KLHL1: variants seen among roughly 807,000 people sequenced by gnomAD.
The protein encoded by KLHL1 is kelch like family member 1.
Under a neutral mutation model 77.7 loss-of-function variants are expected in KLHL1, and 47 were observed. The observed-to-expected ratio is 0.60, with a 90% CI of 0.48 to 0.77. The LOEUF (loss-of-function observed/expected upper bound fraction) is 0.77. Among genes scored for constraint, KLHL1 ranks in the 30% least tolerant of loss-of-function variants. The probability of loss-of-function intolerance (pLI) is 0.00; values close to 1 mark genes in which losing one functional copy is unlikely to be tolerated. For synonymous variants in KLHL1, 360 were observed against 325.2 expected, an observed-to-expected ratio of 1.11 and a Z score of -1.15; for missense variants, 925 against 910.8, an observed-to-expected ratio of 1.02 and a Z score of -0.20.
At chr13:69,966,962 A>C (rs563440328) in intron 2 of KLHL1, among the ~76,000 whole-genome samples, 1 of 152,278 alleles carries the variant, frequency 6.6e-6, no homozygotes, top group African/African-American at 2.4e-5. Context: ...TAATGGCTGA[A>C]TAGTATTCCA....
At chr13:69,885,565 A>G (rs1881185029) in intron 4 of KLHL1, among the ~76,000 whole-genome samples, 2 of 152,080 alleles carry the variant, frequency 1.3e-5, no homozygotes, top group Admixed American at 1.3e-4. Context: ...TAACATCATT[A>G]TGTGTTATTG....
At chr13:69,916,182 C>T (rs1316741416) in intron 4 of KLHL1, among the ~76,000 whole-genome samples, 39 of 145,460 alleles carry the variant, frequency 2.7e-4, no homozygotes, top group South Asian at 1.6e-3. Flanking sequence ...GTCAGTGTGG[C>T]GATTCCTCAG....
chr13:69,871,694 A>G (rs1294608619), intron 5 of KLHL1, among the ~76,000 whole-genome samples: 1 of 151,852 alleles, frequency 6.6e-6, no homozygotes, highest in African/African-American at 2.4e-5. Context: ...AGCCTTCCAG[A>G]AAACCCCAGA....
intron 1 of KLHL1, among the ~76,000 whole-genome samples, chr13:70,091,746 A>G (rs1407113770): frequency 1.3e-5 from 2 of 152,148 alleles, no homozygotes; most frequent in Non-Finnish European, 2.9e-5. Flanking sequence ...GATTTGAAAT[A>G]ATGGCTGAGT....
intron 1 of KLHL1, among the ~76,000 whole-genome samples, chr13:70,072,699 GATT>G (rs1174983951): frequency 6.6e-6 from 1 of 151,938 alleles, no homozygotes; most frequent in Non-Finnish European, 1.5e-5. Flanking sequence ...AAAAAAGGGG[GATT>G]ATATCAATAG....
intron 4 of KLHL1, among the ~76,000 whole-genome samples, chr13:69,906,665 T>G (rs1882055570): frequency 6.6e-6 from 1 of 151,904 alleles, no homozygotes; most frequent in Non-Finnish European, 1.5e-5. Flanking sequence ...CTTTAAAGCT[T>G]CATTCTTTCA....
At chr13:69,982,369 G>A (rs1045099791) in intron 1 of KLHL1, among the ~76,000 whole-genome samples, 1 of 150,844 alleles carries the variant, frequency 6.6e-6, no homozygotes, top group African/African-American at 2.4e-5. Flanking sequence ...CCGAAAGGTG[G>A]AGGGTGCAGT....
intron 4 of KLHL1, among the ~76,000 whole-genome samples, chr13:69,884,934 C>CT (rs377362177): frequency 7.5e-6 from 1 of 133,592 alleles, no homozygotes; most frequent in African/African-American, 2.9e-5. Context: ...TTTTTCTTTT[C>CT]TTTTTTTTTT....
intron 8 of KLHL1, among the ~76,000 whole-genome samples, chr13:69,734,935 T>C (rs140161512): frequency 6.6e-6 from 1 of 152,246 alleles, no homozygotes; most frequent in Non-Finnish European, 1.5e-5. Flanking sequence ...CATGATGTTA[T>C]GCTAAAATAA....
In KLHL1 at chr13:70,065,884, GA is replaced by G. The variant is rs111289446; in HGVS notation, c.497+41318del. On this transcript the variant is annotated intron_variant, in intron 1 of 10. Coordinates refer to ENST00000377844, the MANE Select transcript of KLHL1 (RefSeq NM_020866.3). The stretch of plus-strand genomic sequence containing the variant: ...TTCATTACTTCATCAAAACCAAGAT[GA>G]AAAAAAAAAACTATTTAAAAGACAA... Among the ~76,000 whole-genome samples the G allele has an allele frequency of 3.7e-3, 525 of 141,374 alleles. 1 individual carries two copies. The highest frequency in any genetic ancestry group is 0.015 in the Middle Eastern group (4 of 274). 92.7% of individuals were successfully genotyped at this position (141,374 alleles called of 152,430 possible).
At chr13:69,842,667 C>G (rs1486753530) in intron 5 of KLHL1, among the ~76,000 whole-genome samples, 1 of 151,764 alleles carries the variant, frequency 6.6e-6, no homozygotes, top group Admixed American at 6.6e-5. Context: ...ACCATTTGAT[C>G]CAGCAATTCT....
chr13:70,052,939 A>T (rs1198657969), intron 1 of KLHL1, among the ~76,000 whole-genome samples: 1 of 151,982 alleles, frequency 6.6e-6, no homozygotes, highest in Non-Finnish European at 1.5e-5. Flanking sequence ...CACAATTTCC[A>T]TGATATGGAC....
chr13:69,862,189 A>C (rs1593897392), intron 5 of KLHL1, among the ~76,000 whole-genome samples: 1 of 152,044 alleles, frequency 6.6e-6, no homozygotes, highest in Non-Finnish European at 1.5e-5. Context: ...CAAATTACAC[A>C]TATATTATAA....
At chr13:69,806,319 G>A (rs535521985) in intron 6 of KLHL1, among the ~76,000 whole-genome samples, 1 of 152,248 alleles carries the variant, frequency 6.6e-6, no homozygotes, top group Non-Finnish European at 1.5e-5. Flanking sequence ...CATAGTTTAA[G>A]TTACCTTCCA....
At chr13:70,028,482 C>T (rs371673776) in intron 1 of KLHL1, among the ~76,000 whole-genome samples, 8 of 152,124 alleles carry the variant, frequency 5.3e-5, no homozygotes, top group African/African-American at 1.7e-4. Context: ...TTAAAAGAGA[C>T]CCACGGCAAT....
At chr13:70,040,889 C>G (rs1461201266) in intron 1 of KLHL1, among the ~76,000 whole-genome samples, 1 of 152,090 alleles carries the variant, frequency 6.6e-6, no homozygotes. Flanking sequence ...TCATTGTATC[C>G]TACATGTCCC....
chr13:69,906,511 T>C (rs1882050857), intron 4 of KLHL1, among the ~76,000 whole-genome samples: 1 of 151,946 alleles, frequency 6.6e-6, no homozygotes, highest in Non-Finnish European at 1.5e-5. Flanking sequence ...ATATATTGAG[T>C]GTTTTCTTTA....
intron 4 of KLHL1, among the ~76,000 whole-genome samples, chr13:69,898,556 A>G (rs1881730612): frequency 6.6e-6 from 1 of 152,170 alleles, no homozygotes; most frequent in Admixed American, 6.5e-5. Context: ...GATATGAGTG[A>G]GTTCTTTTGA....
At chr13:69,789,360 C>T (rs1876746639) in intron 7 of KLHL1, among the ~76,000 whole-genome samples, 1 of 151,496 alleles carries the variant, frequency 6.6e-6, no homozygotes, top group African/African-American at 2.4e-5. Flanking sequence ...AATATTATTA[C>T]ATTATTATTT....
Sources: gnomAD v4.1 joint callset for allele counts (sites outside exome capture counted in the v4.1 genomes callset) on GRCh38, gnomAD v4.1.1 for gene constraint, MANE v1.5 for transcripts, NCBI Gene and HGNC (gene_info 2026-07-23, HGNC 2026-07-21) for gene names.